Variants in ZNF385C observed in about 807,000 individuals in gnomAD.
ZNF385C encodes CTD-2132N18.2.
ZNF385C carries 28 observed loss-of-function variants against 35.4 expected under a neutral mutation model. That is an observed-to-expected ratio of 0.79 (90% CI 0.59 to 1.08). The LOEUF (loss-of-function observed/expected upper bound fraction) is 1.08. Ranked by LOEUF, ZNF385C falls within the 50% of genes least tolerant of loss-of-function variation. The pLI is 0.00. For missense variants in ZNF385C, 605 were observed against 595.6 expected, an observed-to-expected ratio of 1.02 and a Z score of -0.16; for synonymous variants, 248 against 248.2, an observed-to-expected ratio of 1.00 and a Z score of 0.01.
intron 2 of ZNF385C, among the ~76,000 whole-genome samples, chr17:42,053,453 C>G (rs1274533826): frequency 6.6e-6 from 1 of 151,850 alleles, no homozygotes; most frequent in Non-Finnish European, 1.5e-5. Context: ...AGTAACAGCT[C>G]TCTCTTCACT....
intron 3 of ZNF385C, among the ~76,000 whole-genome samples, chr17:42,037,490 C>A (rs1297549225): frequency 1.3e-5 from 2 of 152,012 alleles, no homozygotes; most frequent in African/African-American, 4.8e-5. Flanking sequence ...GCAGGCCCAG[C>A]AGCTATGATG....
At chr17:42,047,279 G>A (rs1185852165) in intron 2 of ZNF385C, among the ~76,000 whole-genome samples, 1 of 152,018 alleles carries the variant, frequency 6.6e-6, no homozygotes, top group African/African-American at 2.4e-5. Context: ...TGATCCGCCC[G>A]CTTCAGCCTC....
At chr17:42,034,407 A>T in intron 3 of ZNF385C, 72 bp from the exon 4 acceptor site, 1 of 1,092,448 alleles carries the variant, frequency 9.2e-7, no homozygotes, top group Non-Finnish European at 1.3e-6. Flanking sequence ...GCAGCACAAA[A>T]TGCCCAAAAC....
At chr17:42,037,016 C>T (rs902148277) in intron 3 of ZNF385C, among the ~76,000 whole-genome samples, 3 of 152,132 alleles carry the variant, frequency 2.0e-5, no homozygotes, top group Admixed American at 6.5e-5. Flanking sequence ...GTTATGCACA[C>T]GTGTACAAGG....
intron 2 of ZNF385C, chr17:42,040,021 A>T (rs1231295341): frequency 8.1e-7 from 1 of 1,230,938 alleles, no homozygotes; most frequent in Admixed American, 4.2e-5. Context: ...GAGCCGCCCA[A>T]GGCCGAATAC....
At chr17:42,036,320 T>A (rs930617437) in intron 3 of ZNF385C, among the ~76,000 whole-genome samples, 9 of 151,964 alleles carry the variant, frequency 5.9e-5, no homozygotes, top group Non-Finnish European at 1.2e-4. Flanking sequence ...TTTTAAATCA[T>A]TTTTTTCTTC....
chr17:42,044,246 T>G (rs1214608386), intron 2 of ZNF385C, among the ~76,000 whole-genome samples: 1 of 140,164 alleles, frequency 7.1e-6, no homozygotes, highest in Non-Finnish European at 1.5e-5. Context: ...AGGCAAAGGT[T>G]GCAGTGAGCC....
At chr17:42,039,513 G>T in intron 2 of ZNF385C, 2 of 423,724 alleles carry the variant, frequency 4.7e-6, no homozygotes, top group Non-Finnish European at 7.8e-6. Flanking sequence ...CCCCTCTTGA[G>T]CCAGTCCCTT....
intron 1 of ZNF385C, among the ~76,000 whole-genome samples, chr17:42,085,596 ATTTTT>A (rs781825380): frequency 9.3e-6 from 1 of 107,630 alleles, no homozygotes; most frequent in Non-Finnish European, 1.9e-5. Flanking sequence ...TCTGCAAAAC[ATTTTT>A]TTTTTTTTTT....
rs184281795 is a variant in ZNF385C at position 42,090,798 on chromosome 17, C to T, written c.-3+7612G>A. On this transcript the variant is annotated intron_variant, in intron 1 of 8. Coordinates refer to ENST00000692273, the MANE Select transcript of ZNF385C (RefSeq NM_001392013.1). ...TCGGGAGGCTGAGGCAGGAGAATGG[C>T]GTGAACCCGGAAGGCGGAGCTTGCA... Among the ~76,000 whole-genome samples the T allele has an allele frequency of 3.2e-4, 49 of 152,126 alleles. No homozygotes were observed. The South Asian group carries it at 5.0e-3, about 15-fold the overall frequency.
chr17:42,029,216 G>A (rs2052671650), intron 5 of ZNF385C, 143 bp from the exon 6 acceptor site: 10 of 960,812 alleles, frequency 1.0e-5, no homozygotes, highest in Non-Finnish European at 1.5e-5. Context: ...CAACTCACTG[G>A]GCAGACTTGG....
chr17:42,093,175 G>A (rs1228164771), intron 1 of ZNF385C, among the ~76,000 whole-genome samples: 1 of 152,200 alleles, frequency 6.6e-6, no homozygotes, highest in East Asian at 1.9e-4. Context: ...CCTCGGCCTG[G>A]GGCAGTTGGC....
At chr17:42,064,073 TACAC>T (rs55771386) in intron 1 of ZNF385C, among the ~76,000 whole-genome samples, 26,351 of 129,590 alleles carry the variant, frequency 0.2, 2,668 homozygotes, top group Admixed American at 0.28. Context: ...CACACGCACA[TACAC>T]ACACACACAC....
chr17:42,052,327 AAGAC>A (rs1184233993), intron 2 of ZNF385C, among the ~76,000 whole-genome samples: 2 of 152,166 alleles, frequency 1.3e-5, no homozygotes, highest in Non-Finnish European at 2.9e-5. Flanking sequence ...ATAATGGGAA[AAGAC>A]AGACAGACAG....
intron 2 of ZNF385C, among the ~76,000 whole-genome samples, chr17:42,046,822 CTCT>C (rs782331017): frequency 2.7e-5 from 4 of 150,640 alleles, no homozygotes; most frequent in Non-Finnish European, 4.4e-5. Context: ...CATGAAAGAA[CTCT>C]TGTTTCTGAG....
At chr17:42,097,087 C>T (rs1321080302) in intron 1 of ZNF385C, among the ~76,000 whole-genome samples, 4 of 152,072 alleles carry the variant, frequency 2.6e-5, no homozygotes, top group African/African-American at 9.7e-5. Context: ...TTTCTGAGCC[C>T]TCGCCAGGCT....
chr17:42,076,867 T>C (rs968752062), intron 1 of ZNF385C, among the ~76,000 whole-genome samples: 4 of 152,170 alleles, frequency 2.6e-5, no homozygotes, highest in Non-Finnish European at 4.4e-5. Context: ...TTCCTGGTAA[T>C]GGAGAGCTGG....
intron 1 of ZNF385C, among the ~76,000 whole-genome samples, chr17:42,085,457 T>G (rs1429104379): frequency 6.6e-6 from 1 of 151,004 alleles, no homozygotes; most frequent in African/African-American, 2.4e-5. Context: ...TTTTTTTTTT[T>G]GTATTTTTAG....
intron 1 of ZNF385C, among the ~76,000 whole-genome samples, chr17:42,066,241 G>A (rs782407639): frequency 2.0e-5 from 3 of 151,984 alleles, no homozygotes; most frequent in Non-Finnish European, 2.9e-5. Flanking sequence ...TGTATTTTTA[G>A]TGGAGACAGG....
Sources: allele counts gnomAD v4.1 joint callset (sites outside exome capture counted in the v4.1 genomes callset), GRCh38; gene constraint gnomAD v4.1.1; transcripts MANE v1.5; gene names NCBI Gene and HGNC (gene_info 2026-07-23, HGNC 2026-07-21).